SMAD1: variants seen among roughly 807,000 people sequenced by gnomAD.
SMAD1 encodes the protein SMAD family member 1.
Under a neutral mutation model 41.6 loss-of-function variants are expected in SMAD1, and 6 were observed. That is an observed-to-expected ratio of 0.14 (90% confidence interval 0.08 to 0.28). The LOEUF is 0.28. SMAD1 is among the 10% of genes least tolerant of loss of function. The pLI is 1.00. For missense variants in SMAD1, 379 were observed against 582.6 expected, an observed-to-expected ratio of 0.65 and a Z score of 3.60; for synonymous variants, 206 against 203.2, an observed-to-expected ratio of 1.01 and a Z score of -0.12.
intron 2 of SMAD1, among the ~76,000 whole-genome samples, chr4:145,524,761 A>T (rs1470541603): frequency 6.7e-6 from 1 of 148,986 alleles, no homozygotes; most frequent in Non-Finnish European, 1.5e-5. Flanking sequence ...AAAGAACACC[A>T]GCCAGCCAGC....
At chr4:145,522,903 T>A (rs1730829284) in intron 2 of SMAD1, among the ~76,000 whole-genome samples, 1 of 152,052 alleles carries the variant, frequency 6.6e-6, no homozygotes, top group Non-Finnish European at 1.5e-5. Context: ...GGTCTCGAAC[T>A]CCTGACCTTG....
At chr4:145,536,075 G>C (rs765129575) in intron 2 of SMAD1, among the ~76,000 whole-genome samples, 3 of 151,820 alleles carry the variant, frequency 2.0e-5, no homozygotes, top group Non-Finnish European at 2.9e-5. Flanking sequence ...GTGTATCGTA[G>C]AATTAAGCAC....
At chr4:145,503,663 T>G (rs1729596444) in intron 1 of SMAD1, among the ~76,000 whole-genome samples, 1 of 152,186 alleles carries the variant, frequency 6.6e-6, no homozygotes, top group Non-Finnish European at 1.5e-5. Flanking sequence ...GACAACCTCA[T>G]TTCATTCAAT....
At position 145,546,784 on chromosome 4, in the gene SMAD1, C is replaced by T; in HGVS notation, c.857C>T (p.Ala286Val). 2.5e-6 allele frequency: 4 copies of T among 1,614,064 alleles called. No individual in the cohort carries two copies. The highest frequency in any genetic ancestry group is 3.4e-6 in the Non-Finnish European group (4 of 1,179,934). Reference sequence around the variant, plus strand: ...GAGCTCAACAATCGTGTGGGTGAAGCGTTCCATGCCTCCTCCACAAGTGTG... The same window carrying T: ...GAGCTCAACAATCGTGTGGGTGAAGTGTTCCATGCCTCCTCCACAAGTGTG... ...YYELNNRVGEAFHASSTSVLV... is the reference protein window; with the variant it reads ...YYELNNRVGEVFHASSTSVLV... Residue 286 changes from alanine (A) to valine (V), a missense_variant, in exon 5 of 7, where the codon GCG (alanine) becomes GTG (valine). Transcript: ENST00000302085.
intron 2 of SMAD1, among the ~76,000 whole-genome samples, chr4:145,533,421 C>G (rs1361625274): frequency 1.3e-5 from 2 of 152,194 alleles, no homozygotes. Flanking sequence ...TGTGGTGGCT[C>G]ATGCCTGTAA....
At chr4:145,549,382 A>T (rs984386616) in intron 5 of SMAD1, among the ~76,000 whole-genome samples, 8 of 152,182 alleles carry the variant, frequency 5.3e-5, no homozygotes, top group Non-Finnish European at 4.4e-5. Flanking sequence ...TTCAGGAAGA[A>T]ATTAGTGTAT....
chr4:145,515,773 T>C (rs912149511), intron 2 of SMAD1, among the ~76,000 whole-genome samples: 1 of 152,152 alleles, frequency 6.6e-6, no homozygotes, highest in Non-Finnish European at 1.5e-5. Context: ...TCATTGTCGA[T>C]TGGGACCAAT....
chr4:145,518,555 A>C (rs140182908), intron 2 of SMAD1, among the ~76,000 whole-genome samples: 1 of 125,336 alleles, frequency 8.0e-6, no homozygotes, highest in Non-Finnish European at 2.0e-5. Flanking sequence ...GAAGCCCTCT[A>C]TAAAGCCGTA....
At chr4:145,537,340 A>T (rs1731665702) in intron 2 of SMAD1, among the ~76,000 whole-genome samples, 1 of 152,182 alleles carries the variant, frequency 6.6e-6, no homozygotes, top group African/African-American at 2.4e-5. Flanking sequence ...GATAATTCAG[A>T]AGAAGTGTAT....
chr4:145,498,712 A>G (rs1205791043), intron 1 of SMAD1, among the ~76,000 whole-genome samples: 1 of 152,202 alleles, frequency 6.6e-6, no homozygotes, highest in Non-Finnish European at 1.5e-5. Flanking sequence ...AGACCATACT[A>G]TAGATACTTT....
chr4:145,484,722 A>G (rs1314906558), intron 1 of SMAD1: 1 of 152,198 alleles, frequency 6.6e-6, no homozygotes, highest in Non-Finnish European at 1.5e-5. Flanking sequence ...AGGGATGCTG[A>G]TAAGGACCTT....
chr4:145,551,787 T>G (rs921627727), intron 5 of SMAD1, among the ~76,000 whole-genome samples: 1 of 152,198 alleles, frequency 6.6e-6, no homozygotes, highest in African/African-American at 2.4e-5. Context: ...AAAGCATTCC[T>G]ACACTGCTGG....
intron 1 of SMAD1, among the ~76,000 whole-genome samples, chr4:145,487,926 G>GT (rs1259648650): frequency 1.3e-5 from 2 of 152,150 alleles, no homozygotes; most frequent in Non-Finnish European, 2.9e-5. Flanking sequence ...CTACATCAGA[G>GT]TTTTAGTAAG....
chr4:145,481,185 T>C (rs543133453), upstream of SMAD1: 1 of 152,170 alleles, frequency 6.6e-6, no homozygotes, highest in Non-Finnish European at 1.5e-5. Flanking sequence ...TATCTCCTTA[T>C]GGCATGCCAT....
Position 145,512,614 on chromosome 4 carries a change from T to C in SMAD1, c.-176-1824T>C, listed in dbSNP as rs147506349. Among the ~76,000 whole-genome samples, 3 of 152,356 alleles carry C rather than the reference T, an allele frequency of 2.0e-5. No homozygotes were observed. In the East Asian group the frequency reaches 5.8e-4, roughly 29 times the overall value. Reference sequence around the variant, plus strand: ...GGATTCCAGTTCTCTGTTAAAATCTTCAACCTTGTCTTCTCTTTCCTTGAC... The same window carrying C: ...GGATTCCAGTTCTCTGTTAAAATCTCCAACCTTGTCTTCTCTTTCCTTGAC... On this transcript the variant is annotated intron_variant, in intron 1 of 6. Transcript: ENST00000302085.
intron 1 of SMAD1, chr4:145,484,904 T>TA (rs1424590283): frequency 1.3e-5 from 2 of 152,194 alleles, no homozygotes; most frequent in Admixed American, 6.5e-5. Context: ...TAGTCAAACT[T>TA]ACCAGGCCTA....
At chr4:145,515,170 G>T (rs185395739) in intron 2 of SMAD1, among the ~76,000 whole-genome samples, 157 bp downstream of exon 2, 1 of 149,994 alleles carries the variant, frequency 6.7e-6, no homozygotes, top group South Asian at 2.1e-4. Context: ...GTGTGTGTGT[G>T]TGTGTGTCTG....
intron 1 of SMAD1, among the ~76,000 whole-genome samples, chr4:145,501,921 A>C (rs1166602462): frequency 6.6e-6 from 1 of 152,226 alleles, no homozygotes; most frequent in Non-Finnish European, 1.5e-5. Flanking sequence ...TTGTAAAAAC[A>C]ACCAGTATAA....
chr4:145,553,879 G>C lies in SMAD1; in HGVS notation c.1093G>C (p.Gly365Arg). 1 of 1,614,084 alleles carries C rather than the reference G, an allele frequency of 6.2e-7. No homozygotes were observed. The highest frequency in any genetic ancestry group is 1.1e-5 in the South Asian group (1 of 91,078). Reference sequence around the variant, plus strand: ...AAGTCGGAACTGCAACTACCATCATGGATTTCATCCTACTACTGTTTGCAA... The same window carrying C: ...AAGTCGGAACTGCAACTACCATCATCGATTTCATCCTACTACTGTTTGCAA... ...VQSRNCNYHH[G>R]FHPTTVCKIP... is the part of the protein sequence containing the mutation. The change falls in exon 6 of 7, where the codon GGA (glycine) becomes CGA (arginine). Residue 365 changes from glycine to arginine, a missense_variant. By Grantham distance (125) the Gly-to-Arg change is moderately radical. Transcript: ENST00000302085.
Sources: allele counts gnomAD v4.1 joint callset (sites outside exome capture counted in the v4.1 genomes callset), GRCh38; gene constraint gnomAD v4.1.1; transcripts MANE v1.5; gene names NCBI Gene and HGNC (gene_info 2026-07-23, HGNC 2026-07-21).